The following PLXDC2 variants were observed in gnomAD, a reference collection of about 807,000 sequenced individuals.
PLXDC2 encodes the protein plexin domain containing 2.
PLXDC2 carries 40 observed loss-of-function variants against 68.9 expected under a neutral mutation model. The observed-to-expected ratio is 0.58, with a 90% confidence interval of 0.45 to 0.76. The LOEUF (loss-of-function observed/expected upper bound fraction) is 0.76, where lower values mean the gene tolerates loss of function less well. PLXDC2 is among the 30% of genes least tolerant of loss of function. PLXDC2 has a pLI of 0.00. For missense variants in PLXDC2, 644 were observed against 661.9 expected (o/e 0.97, Z 0.30); for synonymous variants, 243 against 234.2 (o/e 1.04, Z -0.34).
At chr10:20,042,480 C>A (rs115842626) in intron 2 of PLXDC2, among the ~76,000 whole-genome samples, 2,692 of 152,130 alleles carry the variant, frequency 0.018, 77 homozygotes, top group African/African-American at 0.061. Context: ...AGTGGTGGCC[C>A]ATTGATTCAA....
At chr10:20,256,755 T>C (rs1835747477) in intron 13 of PLXDC2, among the ~76,000 whole-genome samples, 1 of 152,086 alleles carries the variant, frequency 6.6e-6, no homozygotes, top group Non-Finnish European at 1.5e-5. Context: ...GAATCCTGAA[T>C]ATGTATAAGT....
In PLXDC2 at chr10:19,886,868, C is replaced by T. The variant is rs894414343; in HGVS notation, c.112+69677C>T. 2.6e-5 allele frequency among the ~76,000 whole-genome samples: 4 copies of T among 152,158 alleles called. No homozygotes were observed. In the East Asian group the frequency reaches 7.7e-4, roughly 29 times the overall value. ...AATATGTATTTATGTTAGCGTTCAA[C>T]TCAACAGAAAATGACTAGATTTGCA... On this transcript the variant is annotated intron_variant, in intron 1 of 13. Transcript: ENST00000377252.
At chr10:19,968,005 A>G (rs1337201609) in intron 1 of PLXDC2, among the ~76,000 whole-genome samples, 1 of 152,240 alleles carries the variant, frequency 6.6e-6, no homozygotes, top group Non-Finnish European at 1.5e-5. Flanking sequence ...TTAACCTAGA[A>G]AAGACTTGAG....
intron 1 of PLXDC2, among the ~76,000 whole-genome samples, chr10:19,916,031 A>G (rs1833359472): frequency 1.3e-5 from 2 of 152,038 alleles, no homozygotes; most frequent in Admixed American, 1.3e-4. Context: ...AGAAAGTACA[A>G]AGTACATCTG....
In PLXDC2 at chr10:20,286,571, G is replaced by T. The variant is rs1836155171; in HGVS notation, c.*6752G>T. ...CTGACCATGCAGCTGTAAACCTTCT[G>T]TGCCTATCAAACAAATACATAGCAT... is the stretch of plus-strand genomic sequence containing the variant. On this transcript the variant is annotated 3_prime_UTR_variant, in exon 14 of 14. Transcript: ENST00000377252. The T allele has an allele frequency of 6.6e-6, 1 of 152,004 alleles. No homozygotes were observed. The highest frequency in any genetic ancestry group is 2.1e-4 in the South Asian group (1 of 4,830). 9.4% of individuals were successfully genotyped at this position (152,004 alleles called of 1,614,324 possible). A position where few individuals can be genotyped will look rare whatever the true frequency, so the allele number is the denominator to read the frequency against.
chr10:20,010,972 G>A (rs376457857), intron 2 of PLXDC2, among the ~76,000 whole-genome samples: 33 of 152,220 alleles, frequency 2.2e-4, no homozygotes, highest in African/African-American at 7.2e-4. Context: ...TTATCATTTT[G>A]CAAACATATT....
chr10:20,079,564 A>C (rs994607735), intron 4 of PLXDC2, among the ~76,000 whole-genome samples: 1 of 152,216 alleles, frequency 6.6e-6, no homozygotes, highest in Non-Finnish European at 1.5e-5. Context: ...CTGGATAAAG[A>C]AAATGTGGCA....
In PLXDC2 at chr10:19,877,484, T is replaced by C. The variant is rs539993104; in HGVS notation, c.112+60293T>C. Among the ~76,000 whole-genome samples, 15 of 152,364 alleles carry C rather than the reference T, an allele frequency of 9.8e-5. No individual in the cohort carries two copies. In the South Asian group the frequency reaches 3.1e-3, roughly 32 times the overall value. On this transcript the variant is annotated intron_variant, in intron 1 of 13. Transcript: ENST00000377252. The stretch of plus-strand genomic sequence containing the variant: ...ACACCCATGCATCTAGATATGACTA[T>C]GTGACTAAGTTTTTGCCCATTATGA...
intron 4 of PLXDC2, among the ~76,000 whole-genome samples, chr10:20,097,246 G>A (rs1201866914): frequency 6.6e-6 from 1 of 152,168 alleles, no homozygotes; most frequent in Non-Finnish European, 1.5e-5. Flanking sequence ...TGTGCTTACG[G>A]TAATTACTGG....
At chr10:20,113,927 A>G (rs1180697207) in intron 4 of PLXDC2, among the ~76,000 whole-genome samples, 2 of 152,112 alleles carry the variant, frequency 1.3e-5, no homozygotes, top group Non-Finnish European at 2.9e-5. Flanking sequence ...GGAGTTAGAG[A>G]TCAACCTGAC....
At chr10:20,032,638 A>G (rs1835518127) in intron 2 of PLXDC2, among the ~76,000 whole-genome samples, 2 of 152,024 alleles carry the variant, frequency 1.3e-5, no homozygotes, top group Admixed American at 6.6e-5. Flanking sequence ...TTTGATAACT[A>G]CAAGGTACTG....
chr10:19,845,836 A>G (rs1836998530), intron 1 of PLXDC2, among the ~76,000 whole-genome samples: 1 of 152,152 alleles, frequency 6.6e-6, no homozygotes, highest in Non-Finnish European at 1.5e-5. Flanking sequence ...TTGCCATGGA[A>G]AAGGGGCAGT....
intron 12 of PLXDC2, among the ~76,000 whole-genome samples, chr10:20,221,640 T>G (rs1564358523): frequency 6.6e-6 from 1 of 152,162 alleles, no homozygotes. Flanking sequence ...TGTTTTTTAT[T>G]TTATGGAATG....
chr10:20,245,493 C>T lies in PLXDC2; in HGVS notation c.1461C>T (p.Ile487=), dbSNP rs1835581604. ...MYHHPTSAAS[I]FFIERRPSRW... ...ACCACCCAACATCAGCAGCCAGCATCTTCTTTATTGAGGTAAGTGTTGAGT... is the reference window on the plus strand; with the variant it reads ...ACCACCCAACATCAGCAGCCAGCATTTTCTTTATTGAGGTAAGTGTTGAGT... The change falls in exon 13 of 14, where the codon ATC becomes ATT. Residue 487 remains isoleucine, a synonymous_variant. Coordinates refer to ENST00000377252, the MANE Select transcript of PLXDC2 (RefSeq NM_032812.9). 1.2e-6 allele frequency: 2 copies of T among 1,611,440 alleles called. No homozygotes were observed. The highest frequency in any genetic ancestry group is 1.3e-5 in the African/African-American group (1 of 74,828).
chr10:19,934,152 G>A (rs375296064), intron 1 of PLXDC2, among the ~76,000 whole-genome samples: 71 of 152,260 alleles, frequency 4.7e-4, no homozygotes, highest in African/African-American at 1.6e-3. Flanking sequence ...GTAGTCTGTC[G>A]TGGTAGATAT....
chr10:19,839,872 G>T (rs333689), intron 1 of PLXDC2, among the ~76,000 whole-genome samples: 42,196 of 151,994 alleles, frequency 0.28, 6,481 homozygotes, highest in East Asian at 0.51. Flanking sequence ...AAAGGTTGAA[G>T]GAAAATTAAC....
intron 1 of PLXDC2, among the ~76,000 whole-genome samples, chr10:19,942,614 A>C (rs1833837051): frequency 6.6e-6 from 1 of 152,090 alleles, no homozygotes; most frequent in African/African-American, 2.4e-5. Flanking sequence ...ATACAAAATA[A>C]TTAGCCGGGC....
chr10:20,126,305 A>G (rs1833776961), intron 4 of PLXDC2, among the ~76,000 whole-genome samples: 1 of 146,918 alleles, frequency 6.8e-6, no homozygotes, highest in Non-Finnish European at 1.5e-5. Context: ...ACATATATAC[A>G]CATACGTTAT....
At chr10:20,180,819 A>T (rs2358864) in intron 9 of PLXDC2, among the ~76,000 whole-genome samples, 134,095 of 152,072 alleles carry the variant, frequency 0.88, 59,304 homozygotes, top group Non-Finnish European at 0.91. Context: ...AGTGCTTACT[A>T]AAATTACTTG....
Sources: gnomAD v4.1 joint callset for allele counts (sites outside exome capture counted in the v4.1 genomes callset) on GRCh38, gnomAD v4.1.1 for gene constraint, MANE v1.5 for transcripts, NCBI Gene and HGNC (gene_info 2026-07-23, HGNC 2026-07-21) for gene names.